NGLY1: variants seen among roughly 807,000 people sequenced by gnomAD.
The protein encoded by NGLY1 is peptide-N(4)-(N-acetyl-beta-glucosaminyl)asparagine amidase.
Under a neutral mutation model 84.6 loss-of-function variants are expected in NGLY1, and 68 were observed. That is an observed-to-expected ratio of 0.80 (90% confidence interval 0.66 to 0.98). The LOEUF (loss-of-function observed/expected upper bound fraction) is 0.98, where lower values mean the gene tolerates loss of function less well. NGLY1 is among the 50% of genes least tolerant of loss of function. The pLI, the probability that NGLY1 is intolerant of heterozygous loss-of-function variation, is 0.00. For missense variants in NGLY1, 779 were observed against 770.2 expected (o/e 1.01, Z -0.14); for synonymous variants, 280 against 275.2 (o/e 1.02, Z -0.17).
At chr3:25,789,916 G>C in exon 1 of NGLY1, 2 of 1,551,234 alleles carry the variant, frequency 1.3e-6, no homozygotes, top group Non-Finnish European at 1.7e-6. Flanking sequence ...GGTTCCGAGA[G>C]GGGCGTCTCT....
At chr3:25,746,944 T>C (rs3773422) in intron 4 of NGLY1, among the ~76,000 whole-genome samples, 125,937 of 152,256 alleles carry the variant, frequency 0.83, 52,312 homozygotes, top group East Asian at 0.94. Context: ...ATTCTCCTGC[T>C]TCAGACTCCC....
At chr3:25,731,589 C>G (rs924659664) in intron 9 of NGLY1, among the ~76,000 whole-genome samples, 3 of 152,012 alleles carry the variant, frequency 2.0e-5, no homozygotes, top group Non-Finnish European at 2.9e-5. Flanking sequence ...CAATTCCACT[C>G]CTAGGTATAC....
chr3:25,783,646 G>C (rs867357938), upstream of NGLY1: 66 of 295,156 alleles, frequency 2.2e-4, no homozygotes, highest in Middle Eastern at 1.1e-3. This position sits in a 1 kb window ranked among gnomAD's most constrained non-coding sequence, Gnocchi z 4.5. Flanking sequence ...GGCCAGGAGC[G>C]GGGGAGCTCG....
intron 7 of NGLY1, chr3:25,735,742 A>T (rs1354294655): frequency 6.6e-6 from 2 of 304,652 alleles, no homozygotes; most frequent in Non-Finnish European, 1.2e-5. Context: ...CTGAGTGTTC[A>T]TGGCAGCTTA....
chr3:25,771,461 G>A (rs1707887362), intron 2 of NGLY1, among the ~76,000 whole-genome samples: 1 of 152,044 alleles, frequency 6.6e-6, no homozygotes, highest in South Asian at 2.1e-4. Flanking sequence ...TATAGTTTGA[G>A]GTCAAGTAAT....
intron 2 of NGLY1, chr3:25,777,743 T>C (rs138951546): frequency 1.3e-5 from 2 of 152,390 alleles, no homozygotes; most frequent in African/African-American, 4.8e-5. Context: ...TTTTCACATC[T>C]ACTGGCTGTT....
chr3:25,751,335 T>G, intron 3 of NGLY1, 72 bp from the exon 4 acceptor site: 1 of 1,252,334 alleles, frequency 8.0e-7, no homozygotes, highest in Non-Finnish European at 1.0e-6. Context: ...ATAAAAAAAC[T>G]GTGGTTTTAT....
chr3:25,751,723 T>TA (rs1259934071), intron 3 of NGLY1, among the ~76,000 whole-genome samples: 2 of 152,028 alleles, frequency 1.3e-5, no homozygotes, highest in Non-Finnish European at 2.9e-5. Context: ...TGATGAAAAG[T>TA]AAAAAAAGTT....
chr3:25,789,713 A>C, intron 1 of NGLY1: 1 of 977,080 alleles, frequency 1.0e-6, no homozygotes. Flanking sequence ...TGCGAGCTAT[A>C]GCAATAACTT....
chr3:25,743,083 A>C (rs1010614175), intron 4 of NGLY1, among the ~76,000 whole-genome samples: 3 of 152,066 alleles, frequency 2.0e-5, no homozygotes, highest in African/African-American at 4.8e-5. Context: ...GCTGGCCTTA[A>C]GACCAGACTG....
intron 1 of NGLY1, chr3:25,789,775 G>A: frequency 7.1e-7 from 1 of 1,398,792 alleles, no homozygotes. Flanking sequence ...AGTAGAATAC[G>A]ATGGTGTCCC....
chr3:25,750,131 C>T (rs1443697175), intron 4 of NGLY1, among the ~76,000 whole-genome samples: 1 of 152,078 alleles, frequency 6.6e-6, no homozygotes, highest in Admixed American at 6.6e-5. Flanking sequence ...CACCTTTTCA[C>T]AGGGCAGCAG....
chr3:25,789,822 G>A (rs1259905756), intron 1 of NGLY1: 23 of 1,550,176 alleles, frequency 1.5e-5, no homozygotes, highest in Non-Finnish European at 2.0e-5. Flanking sequence ...CATTATCACT[G>A]CCAAAGAAAA....
At chr3:25,744,475 A>T (rs1706318656) in intron 4 of NGLY1, among the ~76,000 whole-genome samples, 1 of 152,232 alleles carries the variant, frequency 6.6e-6, no homozygotes, top group Non-Finnish European at 1.5e-5. Flanking sequence ...CTGGAAAGGA[A>T]AAAACAGTGC....
chr3:25,726,144 CT>C (rs1705246720), intron 10 of NGLY1, among the ~76,000 whole-genome samples: 1 of 151,312 alleles, frequency 6.6e-6, no homozygotes, highest in Admixed American at 6.6e-5. Context: ...CAAAAAGTAT[CT>C]AAGACCATCC....
upstream of NGLY1, among the ~76,000 whole-genome samples, chr3:25,785,661 C>T (rs1427210948): frequency 8.8e-6 from 1 of 113,842 alleles, no homozygotes; most frequent in Non-Finnish European, 1.9e-5. Flanking sequence ...TGGCAAGACC[C>T]CATCTCTACA....
At chr3:25,782,082 T>G (rs1467184962) in intron 1 of NGLY1, among the ~76,000 whole-genome samples, 2 of 152,222 alleles carry the variant, frequency 1.3e-5, no homozygotes, top group African/African-American at 4.8e-5. Flanking sequence ...TATGTAGCTG[T>G]GAACAGGCCA....
intron 1 of NGLY1, among the ~76,000 whole-genome samples, chr3:25,781,808 T>C (rs1032062875): frequency 2.0e-5 from 3 of 152,208 alleles, no homozygotes; most frequent in Non-Finnish European, 4.4e-5. Context: ...CCTCAGCATT[T>C]TGGGTTTCAC....
rs1007427973 is a variant in NGLY1, at chr3:25,755,433, A to C, written c.493-4170T>G. 7 of 1,458,756 alleles carry C rather than the reference A, an allele frequency of 4.8e-6. No homozygotes were observed. In the African/African-American group the frequency reaches 5.6e-5, roughly 12 times the overall value. 90.4% of individuals were successfully genotyped at this position (1,458,756 alleles called of 1,614,324 possible). ...CCACAAACAGTGTCTGTCCCAAATA[A>C]AGTTTCAACTCCAATGTCAGTGACA... On this transcript the variant is annotated intron_variant, in intron 3 of 11. Coordinates refer to ENST00000280700, the MANE Select transcript of NGLY1 (RefSeq NM_018297.4).
Sources: gnomAD v4.1 joint callset for allele counts (sites outside exome capture counted in the v4.1 genomes callset) on GRCh38, gnomAD v4.1.1 for gene constraint, Gnocchi (gnomAD v3.1) non-coding constraint, MANE v1.5 for transcripts, NCBI Gene and HGNC (gene_info 2026-07-23, HGNC 2026-07-21) for gene names.